The following COX6B1 variants were observed in gnomAD, a reference collection of about 807,000 sequenced individuals.
The protein encoded by COX6B1 is cytochrome c oxidase subunit 6B1, also known as COX VIb-1.
In COX6B1, 2 loss-of-function variants were observed where a neutral mutation model predicts 14.0. The ratio of observed to expected loss-of-function variants is 0.14; its 90% confidence interval spans 0.06 to 0.45. The LOEUF (loss-of-function observed/expected upper bound fraction) is 0.45. COX6B1 is among the 20% of genes least tolerant of loss of function. The pLI, the probability that COX6B1 is intolerant of heterozygous loss-of-function variation, is 0.98. For missense variants in COX6B1, 81 were observed against 114.2 expected, an observed-to-expected ratio of 0.71 and a Z score of 1.33; for synonymous variants, 30 against 39.7, an observed-to-expected ratio of 0.76 and a Z score of 0.92.
At chr19:35,648,772 C>T (rs1967789046) in intron 1 of COX6B1, 18 of 513,668 alleles carry the variant, frequency 3.5e-5, no homozygotes, top group Admixed American at 3.3e-4. Flanking sequence ...AATTCACAGG[C>T]GTGGCCTCTC....
At chr19:35,650,783 T>C (rs1336761419) in intron 1 of COX6B1, among the ~76,000 whole-genome samples, 1 of 151,910 alleles carries the variant, frequency 6.6e-6, no homozygotes, top group Non-Finnish European at 1.5e-5. Context: ...CCAAAAAGAT[T>C]AAGAATCTTT....
chr19:35,651,501 G>A (rs1212431388), intron 2 of COX6B1, 152 bp downstream of exon 2: 3 of 657,922 alleles, frequency 4.6e-6, no homozygotes, highest in Non-Finnish European at 8.3e-6. Context: ...TCAGGTCCAG[G>A]CTAGGGTTAC....
chr19:35,651,593 A>G (rs1025011810), intron 2 of COX6B1, among the ~76,000 whole-genome samples: 1 of 151,654 alleles, frequency 6.6e-6, no homozygotes, highest in Admixed American at 6.6e-5. Flanking sequence ...TTTTCCAGAG[A>G]TGGGGTCTCA....
chr19:35,649,292 A>T (rs1480739699), intron 1 of COX6B1, among the ~76,000 whole-genome samples: 1 of 151,984 alleles, frequency 6.6e-6, no homozygotes, highest in Non-Finnish European at 1.5e-5. Flanking sequence ...TGATTTTGTT[A>T]GCAATGAAAA....
At position 35,658,770 on chromosome 19, in the gene COX6B1, A is replaced by T; in HGVS notation, c.*123A>T. The stretch of plus-strand genomic sequence containing the variant: ...ATGACTTACCTGCTAATAAAAACTC[A>T]TTGGAAAAGTGAGACTATGCGTGTG... On this transcript the variant is annotated 3_prime_UTR_variant, in exon 4 of 4. Coordinates refer to ENST00000649813, the MANE Select transcript of COX6B1 (RefSeq NM_001863.5). 1.1e-6 allele frequency: 1 copy of T among 908,254 alleles called. No homozygotes were observed. 56.3% of individuals were successfully genotyped at this position (908,254 alleles called of 1,614,324 possible).
intron 2 of COX6B1, among the ~76,000 whole-genome samples, chr19:35,652,471 G>A (rs899853314): frequency 6.6e-6 from 1 of 151,834 alleles, no homozygotes; most frequent in African/African-American, 2.4e-5. Flanking sequence ...TGTTTTCGTT[G>A]CCCAGGCTGG....
intron 2 of COX6B1, among the ~76,000 whole-genome samples, chr19:35,652,291 A>G (rs1434964926): frequency 6.6e-6 from 1 of 151,846 alleles, no homozygotes; most frequent in Non-Finnish European, 1.5e-5. Flanking sequence ...TCGGCCTCCC[A>G]AAATGCTGGG....
At chr19:35,655,700 C>T (rs1967880635) in intron 3 of COX6B1, among the ~76,000 whole-genome samples, 1 of 151,714 alleles carries the variant, frequency 6.6e-6, no homozygotes. Context: ...CTCAAGTGTT[C>T]CTCCTGTCTC....
At chr19:35,653,401 T>G (rs1480656588) in intron 2 of COX6B1, among the ~76,000 whole-genome samples, 1 of 150,756 alleles carries the variant, frequency 6.6e-6, no homozygotes, top group Admixed American at 6.7e-5. Context: ...GCTTCCTGAG[T>G]AGCTGGGACT....
intron 1 of COX6B1, 44 bp from the exon 2 acceptor site, chr19:35,651,189 G>A (rs773028118): frequency 7.7e-7 from 1 of 1,298,786 alleles, no homozygotes; most frequent in Admixed American, 1.7e-5. Context: ...GGCTTGCTCA[G>A]GGCCCCTGGG....
intron 2 of COX6B1, among the ~76,000 whole-genome samples, chr19:35,654,060 T>C (rs1044986615): frequency 5.9e-5 from 9 of 152,208 alleles, no homozygotes; most frequent in Non-Finnish European, 1.2e-4. Flanking sequence ...GTGTATTCTT[T>C]TGTGTTTGGA....
intron 2 of COX6B1, 45 bp downstream of exon 2, chr19:35,651,394 G>T (rs61220012): frequency 1.4e-6 from 2 of 1,464,822 alleles, no homozygotes; most frequent in Middle Eastern, 1.7e-4. Context: ...GTCACTCACC[G>T]CTTGCCTCTT....
At chr19:35,655,244 A>G (rs1599622842) in intron 3 of COX6B1, among the ~76,000 whole-genome samples, 2 of 152,140 alleles carry the variant, frequency 1.3e-5, no homozygotes, top group African/African-American at 4.8e-5. Flanking sequence ...TAGCCAGGAT[A>G]GTCTCAATCT....
Position 35,657,674 on chromosome 19 carries a change from G to C in COX6B1, c.208-920G>C, listed in dbSNP as rs7257827. On this transcript the variant is annotated intron_variant, in intron 3 of 3. Transcript: ENST00000649813. ...CATTTTTTTTTTTTTTTTTTTTTTA[G>C]AGACAGTCTTGCTCTGTCAGGCTGG... Among the ~76,000 whole-genome samples the C allele has an allele frequency of 6.1e-5, 5 of 82,392 alleles. No individual in the cohort carries two copies. In the Admixed American group the frequency reaches 6.3e-4, roughly 10 times the overall value. 54.1% of individuals were successfully genotyped at this position (82,392 alleles called of 152,430 possible). A position where few individuals can be genotyped will look rare whatever the true frequency, so the allele number is the denominator to read the frequency against.
At chr19:35,649,125 C>T (rs1420409086) in intron 1 of COX6B1, among the ~76,000 whole-genome samples, 2 of 152,128 alleles carry the variant, frequency 1.3e-5, no homozygotes, top group East Asian at 3.8e-4. Flanking sequence ...ACTGTCACTT[C>T]TTCAGAGACA....
At chr19:35,649,060 C>G (rs1272514320) in intron 1 of COX6B1, among the ~76,000 whole-genome samples, 1 of 152,140 alleles carries the variant, frequency 6.6e-6, no homozygotes. Context: ...TATAGCCCCA[C>G]GACTCCTAGG....
chr19:35,650,728 C>T (rs979317186), intron 1 of COX6B1, among the ~76,000 whole-genome samples: 4 of 151,626 alleles, frequency 2.6e-5, no homozygotes, highest in African/African-American at 9.7e-5. Flanking sequence ...AAACATTCAG[C>T]GAGAGGTTTC....
chr19:35,653,894 G>A (rs779034718), intron 2 of COX6B1, among the ~76,000 whole-genome samples: 2 of 152,016 alleles, frequency 1.3e-5, no homozygotes, highest in African/African-American at 2.4e-5. Flanking sequence ...AATAGAGACA[G>A]GGCTTCACCA....
intron 2 of COX6B1, among the ~76,000 whole-genome samples, chr19:35,654,058 T>G (rs558573466): frequency 6.6e-6 from 1 of 152,336 alleles, no homozygotes; most frequent in South Asian, 2.1e-4. Context: ...GTGTGTATTC[T>G]TTTGTGTTTG....
Sources: allele counts gnomAD v4.1 joint callset (sites outside exome capture counted in the v4.1 genomes callset), GRCh38; gene constraint gnomAD v4.1.1; transcripts MANE v1.5; gene names NCBI Gene and HGNC (gene_info 2026-07-23, HGNC 2026-07-21).